The following JPH3 variants were observed in gnomAD, a reference collection of about 807,000 sequenced individuals.
JPH3 encodes the protein junctophilin 3.
In JPH3, 11 loss-of-function variants were observed where a neutral mutation model predicts 59.6. The observed-to-expected ratio is 0.18, with a 90% CI of 0.12 to 0.31. The LOEUF is 0.31. JPH3 is among the 10% of genes least tolerant of loss of function. The pLI is 1.00. For missense variants in JPH3, 1,202 were observed against 1,105.7 expected, an observed-to-expected ratio of 1.09 and a Z score of -1.24; for synonymous variants, 673 against 483.6, an observed-to-expected ratio of 1.39 and a Z score of -5.14.
intron 1 of JPH3, among the ~76,000 whole-genome samples, chr16:87,615,026 G>A (rs897395967): frequency 4.7e-5 from 7 of 148,320 alleles, no homozygotes; most frequent in South Asian, 2.2e-4. Flanking sequence ...CACACGAGGA[G>A]CCGCGCGTCC....
intron 1 of JPH3, among the ~76,000 whole-genome samples, chr16:87,627,140 T>A (rs1165065371): frequency 6.6e-6 from 1 of 152,214 alleles, no homozygotes; most frequent in Non-Finnish European, 1.5e-5. Context: ...GTTGCCAAAG[T>A]TCTCCAGGTG....
At chr16:87,610,434 C>T (rs2030688893) in intron 1 of JPH3, among the ~76,000 whole-genome samples, 1 of 152,192 alleles carries the variant, frequency 6.6e-6, no homozygotes. Context: ...GGTTTGTGTC[C>T]ATGCTGGTCA....
At chr16:87,645,384 C>T (rs188471761) in intron 2 of JPH3, among the ~76,000 whole-genome samples, 2 of 152,346 alleles carry the variant, frequency 1.3e-5, no homozygotes, top group East Asian at 3.9e-4. Flanking sequence ...TGGAGTGCTG[C>T]TGTGCTAGCT....
intron 1 of JPH3, among the ~76,000 whole-genome samples, chr16:87,638,902 T>A (rs1368090362): frequency 6.6e-6 from 1 of 151,880 alleles, no homozygotes; most frequent in African/African-American, 2.4e-5. Flanking sequence ...TCTCAGGATG[T>A]GAAGTGTGGC....
At chr16:87,689,067 C>T (rs375643752) in intron 3 of JPH3, among the ~76,000 whole-genome samples, 9 of 152,124 alleles carry the variant, frequency 5.9e-5, no homozygotes, top group Non-Finnish European at 8.8e-5. Flanking sequence ...CCTCCCCTTC[C>T]GGGGAGCCCC....
chr16:87,634,086 G>T (rs1567590537), intron 1 of JPH3, among the ~76,000 whole-genome samples: 1 of 152,240 alleles, frequency 6.6e-6, no homozygotes, highest in Non-Finnish European at 1.5e-5. Context: ...CGGGGACAAA[G>T]TGGGTGCAGA....
chr16:87,619,223 G>A (rs1023489913), intron 1 of JPH3, among the ~76,000 whole-genome samples: 4 of 151,344 alleles, frequency 2.6e-5, no homozygotes, highest in African/African-American at 7.3e-5. Context: ...TGAAGCAGGA[G>A]TATCACTTGA....
At chr16:87,678,315 G>C (rs903267724) in intron 2 of JPH3, among the ~76,000 whole-genome samples, 1 of 152,220 alleles carries the variant, frequency 6.6e-6, no homozygotes, top group South Asian at 2.1e-4. Context: ...AGGCTGAGGC[G>C]GTTGGATCAC....
chr16:87,659,380 A>AAAAAAC (rs1415730097), intron 2 of JPH3, among the ~76,000 whole-genome samples: 22 of 135,070 alleles, frequency 1.6e-4, no homozygotes, highest in African/African-American at 6.0e-4. Context: ...GTCTCAAAAA[A>AAAAAAC]AAAAAAGAAA....
intron 1 of JPH3, among the ~76,000 whole-genome samples, chr16:87,629,771 C>T (rs2031503336): frequency 6.6e-6 from 1 of 152,054 alleles, no homozygotes; most frequent in Non-Finnish European, 1.5e-5. Context: ...AGTATATGTC[C>T]GGATGCCTTT....
At chr16:87,683,507 T>C (rs1193612041) in intron 2 of JPH3, among the ~76,000 whole-genome samples, 1 of 152,082 alleles carries the variant, frequency 6.6e-6, no homozygotes, top group Non-Finnish European at 1.5e-5. Context: ...AGTTTCACCA[T>C]GTTGTGCAGG....
intron 3 of JPH3, among the ~76,000 whole-genome samples, chr16:87,686,845 G>A (rs187729464): frequency 6.4e-4 from 97 of 152,346 alleles, no homozygotes; most frequent in African/African-American, 2.2e-3. Context: ...TGTGGGGGCC[G>A]CTGTGATGGA....
intron 1 of JPH3, among the ~76,000 whole-genome samples, chr16:87,621,470 G>C (rs1597240686): frequency 6.6e-6 from 1 of 152,218 alleles, no homozygotes. Flanking sequence ...GGGGGCTTCT[G>C]AATCCCCACC....
intron 2 of JPH3, among the ~76,000 whole-genome samples, chr16:87,663,577 G>A (rs1360485081): frequency 6.6e-6 from 1 of 152,230 alleles, no homozygotes; most frequent in East Asian, 1.9e-4. Context: ...GGTGAACACA[G>A]CCACTGCCCC....
intron 2 of JPH3, among the ~76,000 whole-genome samples, chr16:87,672,279 G>A (rs1025445588): frequency 6.6e-6 from 1 of 152,124 alleles, no homozygotes. Context: ...ATGGAAACTG[G>A]CAAGAGTCCC....
At chr16:87,622,511 C>G (rs905635639) in intron 1 of JPH3, among the ~76,000 whole-genome samples, 12 of 135,658 alleles carry the variant, frequency 8.8e-5, no homozygotes, top group African/African-American at 3.0e-4. Flanking sequence ...TGTGAAGCAG[C>G]AGCTGTGGCA....
At chr16:87,616,574 C>CT (rs1353245619) in intron 1 of JPH3, among the ~76,000 whole-genome samples, 3 of 151,926 alleles carry the variant, frequency 2.0e-5, no homozygotes, top group Admixed American at 2.0e-4. Flanking sequence ...TGTAATTACA[C>CT]TTTTTATTTT....
chr16:87,607,900 G>A (rs187485524), intron 1 of JPH3, among the ~76,000 whole-genome samples: 155 of 152,332 alleles, frequency 1.0e-3, no homozygotes, highest in Admixed American at 2.2e-3. Flanking sequence ...CCGCTACTTC[G>A]GGGGGCGGGT....
chr16:87,622,555 G>A (rs1489088814), intron 1 of JPH3, among the ~76,000 whole-genome samples: 1 of 152,178 alleles, frequency 6.6e-6, no homozygotes, highest in African/African-American at 2.4e-5. Flanking sequence ...CTGTGAGGCT[G>A]TGGCTGGGGT....
Sources: gnomAD v4.1 joint callset for allele counts (sites outside exome capture counted in the v4.1 genomes callset) on GRCh38, gnomAD v4.1.1 for gene constraint, MANE v1.5 for transcripts, NCBI Gene and HGNC (gene_info 2026-07-23, HGNC 2026-07-21) for gene names.